CCNF: variants seen among roughly 807,000 people sequenced by gnomAD.
CCNF encodes the protein cyclin-F.
A neutral mutation model predicts 85.4 loss-of-function variants in CCNF; 30 were observed. The ratio of observed to expected loss-of-function variants is 0.35; its 90% CI spans 0.26 to 0.48. CCNF has a LOEUF of 0.48. CCNF is among the 20% of genes least tolerant of loss of function. CCNF has a pLI of 0.99. For missense variants in CCNF, 919 were observed against 1,010.4 expected (o/e 0.91, Z 1.23); for synonymous variants, 439 against 425.1 (o/e 1.03, Z -0.40).
rs760054447 is a variant in CCNF, at chr16:2,453,426, A to G, written c.1604A>G (p.Gln535Arg). ...TCCCCTCAGGTGCTGAGCTACAGCC[A>G]GTTGTGTGCTGCATTAGGAGTGACA... ...ISQEEVLSYS[Q>R]LCAALGVTQD... The change falls in exon 15 of 17, where the codon CAG becomes CGG. Residue 535 changes from glutamine (Q) to arginine (R), a missense_variant. Physicochemically the swap from Gln to Arg is conservative, Grantham distance 43. Coordinates refer to ENST00000397066, the MANE Select transcript of CCNF (RefSeq NM_001761.3). The surrounding 1 kb of genome is among the most constrained non-coding windows in gnomAD (Gnocchi z 5.6). 5 of 1,613,818 alleles carry G rather than the reference A, an allele frequency of 3.1e-6. No individual in the cohort carries two copies. In the African/African-American group the frequency reaches 5.3e-5, roughly 17 times the overall value.
Position 2,456,846 on chromosome 16 carries a change from C to T in CCNF, c.2187C>T (p.Ser729=), listed in dbSNP as rs566297845. ...GALPQPTSVL[S]LDSDSHTQPC... is the part of the protein sequence containing the mutation. The stretch of plus-strand genomic sequence containing the variant: ...TGCCCCAACCTACCTCAGTGCTGTC[C>T]CTGGACAGTGACTCGCACACACAGC... Residue 729 remains serine, a synonymous_variant, in exon 17 of 17, where the codon TCC becomes TCT. Coordinates refer to ENST00000397066, the MANE Select transcript of CCNF (RefSeq NM_001761.3). This position sits in a 1 kb window ranked among gnomAD's most constrained non-coding sequence, Gnocchi z 4.5. The T allele has an allele frequency of 1.2e-6, 2 of 1,614,046 alleles. No homozygotes were observed. Among genetic ancestry groups the T allele is most frequent in the East Asian group, 4.5e-5 (2 of 44,884 alleles).
At chr16:2,444,069 A>C (rs1171385684) in intron 9 of CCNF, among the ~76,000 whole-genome samples, 1 of 151,316 alleles carries the variant, frequency 6.6e-6, no homozygotes, top group Non-Finnish European at 1.5e-5. Context: ...ACAGGCACCC[A>C]CCACCATGCC....
In CCNF at chr16:2,445,552, C is replaced by T. The variant is rs1567387652; in HGVS notation, c.1024C>T (p.Leu342=). Residue 342 remains leucine (L), a synonymous_variant, in exon 10 of 17, where the codon CTG becomes TTG. Transcript: ENST00000397066. ...GACCGTGGAGTGTGTGGACCGGTACCTGCGGAGGAGGCTGGTGCCGCGGTA... is the reference window on the plus strand; with the variant it reads ...GACCGTGGAGTGTGTGGACCGGTACTTGCGGAGGAGGCTGGTGCCGCGGTA... ...HLTVECVDRY[L]RRRLVPRYRL... 1 of 1,614,072 alleles carries T rather than the reference C, an allele frequency of 6.2e-7. No homozygotes were observed. Among genetic ancestry groups the T allele is most frequent in the Non-Finnish European group, 8.5e-7 (1 of 1,180,006 alleles).
At chr16:2,432,896 C>T in intron 2 of CCNF, 65 bp from the exon 3 acceptor site, 1 of 947,336 alleles carries the variant, frequency 1.1e-6, no homozygotes, top group Non-Finnish European at 1.7e-6. Context: ...TCCTCAAGAG[C>T]CTCCAGGTGT....
At chr16:2,446,524 C>T (rs1181241135) in intron 10 of CCNF, among the ~76,000 whole-genome samples, 1 of 152,218 alleles carries the variant, frequency 6.6e-6, no homozygotes, top group Non-Finnish European at 1.5e-5. Flanking sequence ...TTGGAAATAA[C>T]GTGGAAATGA....
At position 2,443,798 on chromosome 16, in the gene CCNF, G is replaced by A. The variant is rs1208746573; in HGVS notation, c.927G>A (p.Met309Ile). 6.2e-7 allele frequency: 1 copy of A among 1,614,024 alleles called. No homozygotes were observed. Among genetic ancestry groups the A allele is most frequent in the Admixed American group, 1.7e-5 (1 of 60,014 alleles). ...FSVQKGLNDT[M>I]RYILIDWLVE... ...TGCAGAAGGGACTCAATGACACAAT[G>A]AGGTGAGGCATTCAGGCCGGGGCTT... The change falls in exon 9 of 17, where the codon ATG becomes ATA. Residue 309 changes from methionine (M) to isoleucine (I), a missense_variant and splice_region_variant. Physicochemically the swap from Met to Ile is conservative, Grantham distance 10 (BLOSUM62 1). This residue lies in a region of CCNF where 410 missense variants were observed against 478.6 expected (regional missense o/e 0.86). Transcript: ENST00000397066.
chr16:2,430,884 G>T (rs145600387), intron 1 of CCNF: 2 of 658,304 alleles, frequency 3.0e-6, no homozygotes, highest in Non-Finnish European at 5.6e-6. Context: ...CATGACATGC[G>T]CTATTTGCCA....
At chr16:2,454,317 T>A (rs774965525) in intron 15 of CCNF, among the ~76,000 whole-genome samples, 19 of 152,192 alleles carry the variant, frequency 1.2e-4, no homozygotes, top group Non-Finnish European at 2.2e-4. Flanking sequence ...CTTTCCATTG[T>A]GTGGAAGGCA....
chr16:2,439,567 C>T (rs2065310234), intron 7 of CCNF, 110 bp downstream of exon 7: 3 of 939,912 alleles, frequency 3.2e-6, no homozygotes, highest in East Asian at 2.6e-5. Context: ...TCTTGCTGCT[C>T]CCGGTCTCTC....
rs1054729981 is a variant in CCNF, at chr16:2,452,167, C to T, written c.1488-1043C>T. ...CCCCGCACATGTCCCGTGTACGTCA[C>T]CCAGGGCCTCGCTGTCCGGCTTCCA... On this transcript the variant is annotated intron_variant, in intron 13 of 16. Coordinates refer to ENST00000397066, the MANE Select transcript of CCNF (RefSeq NM_001761.3). This position sits in a 1 kb window ranked among gnomAD's most constrained non-coding sequence, Gnocchi z 4.1. Among the ~76,000 whole-genome samples, 1 of 152,246 alleles carries T rather than the reference C, an allele frequency of 6.6e-6. No individual in the cohort carries two copies. The highest frequency in any genetic ancestry group is 1.5e-5 in the Non-Finnish European group (1 of 68,048).
intron 8 of CCNF, among the ~76,000 whole-genome samples, chr16:2,441,733 T>G (rs1318989031): frequency 6.6e-6 from 1 of 150,966 alleles, no homozygotes; most frequent in Non-Finnish European, 1.5e-5. Context: ...GCCAGGCTGG[T>G]CTAAAACTCC....
chr16:2,432,501 G>C (rs573998478), intron 2 of CCNF, among the ~76,000 whole-genome samples: 2 of 152,116 alleles, frequency 1.3e-5, no homozygotes, highest in African/African-American at 4.8e-5. Context: ...TTGGCCCAGC[G>C]CTTAGGCTCC....
Position 2,431,120 on chromosome 16 carries a change from T to A in CCNF, c.17-10T>A. The A allele has an allele frequency of 6.2e-7, 1 of 1,612,824 alleles. No individual in the cohort carries two copies. The highest frequency in any genetic ancestry group is 1.3e-5 in the African/African-American group (1 of 74,828). On this transcript the variant is annotated splice_polypyrimidine_tract_variant and intron_variant, in intron 1 of 16. Transcript: ENST00000397066. ...CATCTTATCAAGGCTTCTGTCTTTT[T>A]TTCCTTCAGTGGTCCACTGTAGGTG...
rs777842545 is a variant in CCNF at position 2,431,233 on chromosome 16, C to T, written c.120C>T (p.Leu40=). The change falls in exon 2 of 17, where the codon CTC becomes CTT. Residue 40 remains leucine, a synonymous_variant. Coordinates refer to ENST00000397066, the MANE Select transcript of CCNF (RefSeq NM_001761.3). Reference sequence around the variant, plus strand: ...TCTTGAGTCTCCCCGAAGATGTGCTCTTTCACATCCTGAAATGGCTTTCTG... The same window carrying T: ...TCTTGAGTCTCCCCGAAGATGTGCTTTTTCACATCCTGAAATGGCTTTCTG... ...LTILSLPEDV[L]FHILKWLSVE... The T allele has an allele frequency of 1.2e-6, 2 of 1,614,148 alleles. No homozygotes were observed. The highest frequency in any genetic ancestry group is 1.7e-6 in the Non-Finnish European group (2 of 1,180,004).
At chr16:2,445,703 T>A in intron 10 of CCNF, 81 bp downstream of exon 10, 5 of 1,207,500 alleles carry the variant, frequency 4.1e-6, no homozygotes, top group Non-Finnish European at 5.7e-6. Context: ...CATGTGCTCC[T>A]CACTGGTTTG....
In CCNF at chr16:2,458,260, T is replaced by G. The variant is rs2065442053; in HGVS notation, c.*1240T>G. The G allele has an allele frequency of 6.6e-6, 1 of 151,974 alleles. No individual in the cohort carries two copies. Among genetic ancestry groups the G allele is most frequent in the Non-Finnish European group, 1.5e-5 (1 of 67,942 alleles). The allele number at this position is 151,974 out of a possible 1,614,324, so 9.4% of individuals were successfully genotyped here. Reference sequence around the variant, plus strand: ...AGAAGTGTCCCCCAGATGCTTTTTTTTTTTTTTTTTTGGAGACAGTTTTGC... The same window carrying G: ...AGAAGTGTCCCCCAGATGCTTTTTTGTTTTTTTTTTTGGAGACAGTTTTGC... On this transcript the variant is annotated 3_prime_UTR_variant, in exon 17 of 17. Coordinates refer to ENST00000397066, the MANE Select transcript of CCNF (RefSeq NM_001761.3).
At position 2,453,388 on chromosome 16, in the gene CCNF, C is replaced by G; in HGVS notation, c.1588-22C>G. 6.2e-7 allele frequency: 1 copy of G among 1,613,832 alleles called. No individual in the cohort carries two copies. The highest frequency in any genetic ancestry group is 1.1e-5 in the South Asian group (1 of 91,080). On this transcript the variant is annotated intron_variant, in intron 14 of 16. Coordinates refer to ENST00000397066, the MANE Select transcript of CCNF (RefSeq NM_001761.3). This position sits in a 1 kb window ranked among gnomAD's most constrained non-coding sequence, Gnocchi z 5.6. ...CCTCACCCTCGGGGCCTCTGCACCC[C>G]CTAACTCTAGCTTCCCCTCAGGTGC...
chr16:2,448,131 G>A (rs1266660480), intron 10 of CCNF, among the ~76,000 whole-genome samples: 1 of 152,220 alleles, frequency 6.6e-6, no homozygotes, highest in Non-Finnish European at 1.5e-5. Flanking sequence ...ACAGTGCCGG[G>A]CACAGACTTT....
chr16:2,449,246 A>C (rs759952513), intron 11 of CCNF, 36 bp from the exon 12 acceptor site: 10 of 1,610,830 alleles, frequency 6.2e-6, no homozygotes, highest in African/African-American at 1.3e-5. Context: ...GGAGCCCCCG[A>C]GCGCTGAGAG....
Sources: allele counts gnomAD v4.1 joint callset (sites outside exome capture counted in the v4.1 genomes callset), GRCh38; gene constraint gnomAD v4.1.1; regional missense constraint gnomAD v4.1.1; non-coding constraint Gnocchi (gnomAD v3.1); transcripts MANE v1.5; gene names NCBI Gene and HGNC (gene_info 2026-07-23, HGNC 2026-07-21).